LARGE1: variants seen among roughly 807,000 people sequenced by gnomAD.
The protein encoded by LARGE1 is LARGE xylosyl- and glucuronyltransferase 1.
LARGE1 carries 43 observed loss-of-function variants against 87.6 expected under a neutral mutation model. That is an observed-to-expected ratio of 0.49 (90% CI 0.38 to 0.63). The LOEUF is 0.63. LARGE1 is among the 30% of genes least tolerant of loss of function. The pLI is 0.00. For missense variants in LARGE1, 802 were observed against 1,000.2 expected (o/e 0.80, Z 2.67); for synonymous variants, 434 against 394.6 (o/e 1.10, Z -1.18).
chr22:33,677,834 T>C (rs1275384937), intron 2 of LARGE1, among the ~76,000 whole-genome samples: 2 of 152,112 alleles, frequency 1.3e-5, no homozygotes, highest in Non-Finnish European at 2.9e-5. Flanking sequence ...AGCACAAGAG[T>C]TAGCTAGGCA....
chr22:33,224,532 GTCTT>G (rs1478342237), intron 11 of LARGE1, among the ~76,000 whole-genome samples: 1 of 152,152 alleles, frequency 6.6e-6, no homozygotes, highest in Non-Finnish European at 1.5e-5. Context: ...GAAAACAGGT[GTCTT>G]TCTACTACAG....
chr22:33,768,031 C>G (rs373699760), intron 1 of LARGE1, among the ~76,000 whole-genome samples: 19 of 152,212 alleles, frequency 1.2e-4, no homozygotes, highest in Non-Finnish European at 2.4e-4. Context: ...TCCTATAGGC[C>G]GGGCGTGGTG....
the LARGE1 span, among the ~76,000 whole-genome samples, chr22:33,139,173 A>G: frequency 0.42 from 64,004 of 151,898 alleles, 13,940 homozygotes; most frequent in South Asian, 0.68. Context: ...TAAATTACCC[A>G]GTCTTGGGTA....
chr22:33,592,319 A>AT (rs2078864742), intron 5 of LARGE1, among the ~76,000 whole-genome samples: 2 of 151,820 alleles, frequency 1.3e-5, no homozygotes, highest in African/African-American at 2.4e-5. Flanking sequence ...TATTATTATT[A>AT]TTTTTTTCTG....
chr22:33,782,570 TAAAG>T (rs1389128056), intron 1 of LARGE1, among the ~76,000 whole-genome samples: 2 of 151,970 alleles, frequency 1.3e-5, no homozygotes, highest in Admixed American at 6.6e-5. Context: ...ACTACCAAAA[TAAAG>T]AATCAAATTG....
intron 2 of LARGE1, among the ~76,000 whole-genome samples, chr22:33,707,277 GC>G (rs1404055541): frequency 2.0e-5 from 3 of 152,236 alleles, no homozygotes; most frequent in Non-Finnish European, 2.9e-5. Flanking sequence ...GCACAAGCAG[GC>G]CCATCATTTT....
At chr22:33,717,669 T>C (rs1486507373) in intron 2 of LARGE1, among the ~76,000 whole-genome samples, 3 of 152,132 alleles carry the variant, frequency 2.0e-5, no homozygotes, top group African/African-American at 7.2e-5. Context: ...TTGTGAACAA[T>C]CCCAAGCACT....
intron 2 of LARGE1, chr22:33,747,800 G>A (rs894049519): frequency 6.6e-6 from 1 of 152,188 alleles, no homozygotes; most frequent in African/African-American, 2.4e-5. Flanking sequence ...AATGGCACTG[G>A]CGCTCAGTGA....
At chr22:33,315,504 T>G (rs1486285152) in intron 11 of LARGE1, among the ~76,000 whole-genome samples, 3 of 151,988 alleles carry the variant, frequency 2.0e-5, no homozygotes, top group African/African-American at 4.8e-5. Flanking sequence ...GTAATTCGAG[T>G]CGGGCTCTAC....
intron 11 of LARGE1, among the ~76,000 whole-genome samples, chr22:33,214,539 A>G (rs960270696): frequency 1.3e-5 from 2 of 152,106 alleles, no homozygotes; most frequent in Admixed American, 6.6e-5. Context: ...AGACACAGTC[A>G]TTTAAGCAGC....
intron 2 of LARGE1, among the ~76,000 whole-genome samples, chr22:33,665,931 G>A (rs2081255614): frequency 6.6e-6 from 1 of 151,810 alleles, no homozygotes; most frequent in Admixed American, 6.6e-5. Context: ...GAGGCTCACT[G>A]GGCTTAAGTA....
intron 2 of LARGE1, among the ~76,000 whole-genome samples, chr22:33,680,457 G>C (rs981665502): frequency 1.0e-4 from 15 of 149,668 alleles, no homozygotes; most frequent in African/African-American, 1.7e-4. Flanking sequence ...TCTAACTCCA[G>C]AATGGGGTGG....
intron 6 of LARGE1, among the ~76,000 whole-genome samples, chr22:33,490,900 G>A (rs751474827): frequency 6.6e-6 from 1 of 152,174 alleles, no homozygotes; most frequent in Admixed American, 6.5e-5. Context: ...ATTGTCGCCA[G>A]TTTCCTGGGT....
chr22:33,557,967 T>C (rs898670727), intron 6 of LARGE1, among the ~76,000 whole-genome samples: 1 of 152,210 alleles, frequency 6.6e-6, no homozygotes, highest in African/African-American at 2.4e-5. Context: ...AGCCTCGCCC[T>C]TTCCCAGCTG....
At position 33,361,469 on chromosome 22, in the gene LARGE1, C is replaced by T. The variant is rs59956690; in HGVS notation, c.1131+20450G>A. The stretch of plus-strand genomic sequence containing the variant: ...TCTTCTTAACTTGCATTTGGGTTTC[C>T]ACTCTTTCTCGTGTAGTCCTTGCAC... On this transcript the variant is annotated intron_variant, in intron 9 of 14. Transcript: ENST00000397394. Among the ~76,000 whole-genome samples, 3 of 149,512 alleles carry T rather than the reference C, an allele frequency of 2.0e-5. No individual in the cohort carries two copies. The East Asian group carries it at 5.8e-4, about 29-fold the overall frequency.
At chr22:33,267,247 A>G (rs1271087166) in intron 11 of LARGE1, among the ~76,000 whole-genome samples, 1 of 151,602 alleles carries the variant, frequency 6.6e-6, no homozygotes, top group African/African-American at 2.4e-5. Flanking sequence ...CTCAAAAGAA[A>G]ACAAATAAAA....
intron 1 of LARGE1, among the ~76,000 whole-genome samples, chr22:33,901,465 C>T (rs940495651): frequency 3.3e-5 from 5 of 152,172 alleles, no homozygotes; most frequent in Non-Finnish European, 7.4e-5. Flanking sequence ...ACTTCTTGAT[C>T]CTATGTCCTA....
At chr22:33,432,420 T>C (rs1330987674) in intron 6 of LARGE1, among the ~76,000 whole-genome samples, 155 bp from the exon 7 acceptor site, 1 of 152,228 alleles carries the variant, frequency 6.6e-6, no homozygotes, top group Non-Finnish European at 1.5e-5. Flanking sequence ...CCTAACAGCT[T>C]AACTTGCATT....
intron 2 of LARGE1, among the ~76,000 whole-genome samples, chr22:33,756,926 G>A (rs1383486316): frequency 1.3e-5 from 2 of 152,146 alleles, no homozygotes; most frequent in Non-Finnish European, 2.9e-5. Flanking sequence ...GTGAATGAAG[G>A]GAGACAAGGA....
Sources: gnomAD v4.1 joint callset for allele counts (sites outside exome capture counted in the v4.1 genomes callset) on GRCh38, gnomAD v4.1.1 for gene constraint, MANE v1.5 for transcripts, NCBI Gene and HGNC (gene_info 2026-07-23, HGNC 2026-07-21) for gene names.